CSMD1: variants seen among roughly 807,000 people sequenced by gnomAD.
CSMD1 encodes the protein CUB and sushi domain-containing protein 1.
In CSMD1, 213 loss-of-function variants were observed where a neutral mutation model predicts 417.5. The observed-to-expected ratio is 0.51, with a 90% CI of 0.46 to 0.57. The LOEUF (loss-of-function observed/expected upper bound fraction) is 0.57. Ranked by LOEUF, CSMD1 falls within the 20% of genes least tolerant of loss-of-function variation. The probability of loss-of-function intolerance (pLI) is 0.00; values close to 1 mark genes in which losing one functional copy is unlikely to be tolerated. For missense variants in CSMD1, 6,923 were observed against 4,529.7 expected (o/e 1.53, Z -15.17); for synonymous variants, 2,862 against 1,736.8 (o/e 1.65, Z -16.11).
At chr8:4,351,207 G>C (rs1471581044) in intron 3 of CSMD1, among the ~76,000 whole-genome samples, 2 of 151,844 alleles carry the variant, frequency 1.3e-5, no homozygotes, top group Non-Finnish European at 2.9e-5. Flanking sequence ...TTAATAAAAT[G>C]TACCAAGTTT....
chr8:3,329,404 C>T (rs549314453), intron 23 of CSMD1, among the ~76,000 whole-genome samples: 93 of 152,112 alleles, frequency 6.1e-4, no homozygotes, highest in African/African-American at 2.1e-3. Context: ...AGAAAAGACC[C>T]TTCAAGCAGA....
intron 2 of CSMD1, among the ~76,000 whole-genome samples, chr8:4,431,681 A>G (rs543214345): frequency 3.3e-5 from 5 of 152,186 alleles, no homozygotes; most frequent in Non-Finnish European, 5.9e-5. Flanking sequence ...GAGGAATGAA[A>G]CAAAAGAATC....
chr8:3,094,440 C>A (rs1371633039), intron 47 of CSMD1, among the ~76,000 whole-genome samples: 2 of 152,142 alleles, frequency 1.3e-5, no homozygotes, highest in African/African-American at 4.8e-5. Flanking sequence ...TCTGAACCCT[C>A]ATAATGTTCT....
Position 3,286,396 on chromosome 8 carries a change from G to T in CSMD1, c.3951-2050C>A, listed in dbSNP as rs576945494. Among the ~76,000 whole-genome samples, 3 of 152,054 alleles carry T rather than the reference G, an allele frequency of 2.0e-5. No individual in the cohort carries two copies. In the East Asian group the frequency reaches 5.8e-4, roughly 29 times the overall value. On this transcript the variant is annotated intron_variant, in intron 25 of 69. Transcript: ENST00000635120. ...TTCCAGTTCTAGATCCCTGAGGAATGGCCACACTGACTTCCACAATGGTTG... is the reference window on the plus strand; with the variant it reads ...TTCCAGTTCTAGATCCCTGAGGAATTGCCACACTGACTTCCACAATGGTTG...
chr8:3,992,017 T>C (rs567744272), intron 5 of CSMD1, among the ~76,000 whole-genome samples: 5 of 152,260 alleles, frequency 3.3e-5, no homozygotes, highest in Non-Finnish European at 7.3e-5. Flanking sequence ...AATGGCATTT[T>C]AATTAAAGCA....
intron 7 of CSMD1, among the ~76,000 whole-genome samples, chr8:3,658,387 T>A (rs1382773223): frequency 6.6e-6 from 1 of 150,898 alleles, no homozygotes; most frequent in African/African-American, 2.4e-5. Context: ...TATTTGTAAA[T>A]CATCCCAATC....
chr8:3,744,178 C>T (rs1240391222), intron 6 of CSMD1, among the ~76,000 whole-genome samples: 1 of 152,184 alleles, frequency 6.6e-6, no homozygotes, highest in African/African-American at 2.4e-5. Context: ...CATGGAAGGT[C>T]TGGCGGGAGT....
intron 1 of CSMD1, among the ~76,000 whole-genome samples, chr8:4,673,965 G>A (rs2130955304): frequency 6.6e-6 from 1 of 152,250 alleles, no homozygotes; most frequent in East Asian, 1.9e-4. Flanking sequence ...GCACACCTCT[G>A]TGAATATATT....
At chr8:4,341,605 G>A (rs1183754671) in intron 3 of CSMD1, among the ~76,000 whole-genome samples, 2 of 152,124 alleles carry the variant, frequency 1.3e-5, no homozygotes, top group African/African-American at 4.8e-5. Flanking sequence ...TGTTTGTCCA[G>A]TGAAACTGTA....
intron 12 of CSMD1, among the ~76,000 whole-genome samples, chr8:3,436,970 T>C (rs956589799): frequency 1.3e-5 from 2 of 152,150 alleles, no homozygotes; most frequent in African/African-American, 4.8e-5. Context: ...GAAAAAAGCA[T>C]GCAAGAAGCA....
chr8:4,162,375 T>C (rs912064212), intron 3 of CSMD1, among the ~76,000 whole-genome samples: 2 of 152,180 alleles, frequency 1.3e-5, no homozygotes, highest in African/African-American at 4.8e-5. Flanking sequence ...GTTCAAATGT[T>C]TTTTGGTTTT....
chr8:4,133,035 G>T (rs1187500183), intron 3 of CSMD1, among the ~76,000 whole-genome samples: 1 of 152,106 alleles, frequency 6.6e-6, no homozygotes, highest in Non-Finnish European at 1.5e-5. Context: ...CCGGGTTAAA[G>T]CGATTCTTTT....
At chr8:4,412,508 C>T (rs1563146404) in intron 3 of CSMD1, among the ~76,000 whole-genome samples, 1 of 152,098 alleles carries the variant, frequency 6.6e-6, no homozygotes, top group Non-Finnish European at 1.5e-5. Flanking sequence ...AACTGTGAAC[C>T]AATTACACCT....
chr8:3,735,268 C>T (rs541130562), intron 6 of CSMD1, among the ~76,000 whole-genome samples: 68 of 152,114 alleles, frequency 4.5e-4, no homozygotes, highest in African/African-American at 1.6e-3. Context: ...AACACAGATC[C>T]AAAACTTGGC....
intron 3 of CSMD1, among the ~76,000 whole-genome samples, chr8:4,228,813 A>C (rs1801524689): frequency 6.6e-6 from 1 of 151,882 alleles, no homozygotes; most frequent in Non-Finnish European, 1.5e-5. Context: ...CATCCCAAGT[A>C]GCTGGGACTT....
chr8:4,941,459 C>G (rs1255136842), intron 1 of CSMD1, among the ~76,000 whole-genome samples: 1 of 152,100 alleles, frequency 6.6e-6, no homozygotes, highest in Non-Finnish European at 1.5e-5. Context: ...AACAAGTGTG[C>G]CACAATTTCA....
intron 2 of CSMD1, among the ~76,000 whole-genome samples, chr8:4,631,826 C>T (rs370025270): frequency 7.9e-5 from 12 of 152,010 alleles, no homozygotes; most frequent in East Asian, 1.9e-4. Flanking sequence ...TTAGAAAGAC[C>T]GACGAACTCG....
intron 52 of CSMD1, among the ~76,000 whole-genome samples, chr8:3,013,906 G>A (rs1259505110): frequency 6.6e-6 from 1 of 152,102 alleles, no homozygotes; most frequent in Non-Finnish European, 1.5e-5. Flanking sequence ...AGGATGGGAA[G>A]AACCTTATTA....
At chr8:3,205,349 A>G (rs1867043) in intron 31 of CSMD1, among the ~76,000 whole-genome samples, 155 bp downstream of exon 31, 142,335 of 152,258 alleles carry the variant, frequency 0.93, 66,626 homozygotes, top group Non-Finnish European at 0.96. Flanking sequence ...GACATTGTGC[A>G]GGATATGTTT....
Sources: gnomAD v4.1 joint callset for allele counts (sites outside exome capture counted in the v4.1 genomes callset) on GRCh38, gnomAD v4.1.1 for gene constraint, MANE v1.5 for transcripts, NCBI Gene and HGNC (gene_info 2026-07-23, HGNC 2026-07-21) for gene names.